ZNF782: variants seen among roughly 807,000 people sequenced by gnomAD.
ZNF782 encodes zinc finger protein 782.
ZNF782 carries 12 observed loss-of-function variants against 13.0 expected under a neutral mutation model. That is an observed-to-expected ratio of 0.92 (90% CI 0.59 to 1.50). The LOEUF (loss-of-function observed/expected upper bound fraction) is 1.50. ZNF782 is among the 40% of genes most tolerant of loss of function. The pLI, the probability that ZNF782 is intolerant of heterozygous loss-of-function variation, is 0.00. For missense variants in ZNF782, 770 were observed against 822.9 expected (o/e 0.94, Z 0.79); for synonymous variants, 284 against 283.0 (o/e 1.00, Z -0.04).
chr9:96,892,692 TTA>T, the ZNF782 span: 2 of 152,238 alleles, frequency 1.3e-5, no homozygotes, highest in Non-Finnish European at 2.9e-5. Context: ...TCTGAATCTG[TTA>T]TCTTATGAGA....
At chr9:96,852,171 T>C (rs548240443) in intron 2 of ZNF782, among the ~76,000 whole-genome samples, 166 bp from the exon 3 acceptor site, 15 of 152,296 alleles carry the variant, frequency 9.8e-5, no homozygotes, top group African/African-American at 3.4e-4. Flanking sequence ...TGGCACTGTC[T>C]ACGACAACTC....
chr9:96,896,817 G>A, the ZNF782 span, among the ~76,000 whole-genome samples: 4 of 152,330 alleles, frequency 2.6e-5, no homozygotes, highest in Non-Finnish European at 5.9e-5. Context: ...AGTGTCAGTG[G>A]CAGATAGGGA....
At chr9:96,887,282 AAAG>A in the ZNF782 span, 1 of 112,148 alleles carries the variant, frequency 8.9e-6, no homozygotes, top group African/African-American at 3.8e-5. Flanking sequence ...CCATTGCAAA[AAAG>A]AAAGGAAGGA....
At chr9:96,821,839 T>A (rs1340848815) in intron 5 of ZNF782, among the ~76,000 whole-genome samples, 1 of 152,054 alleles carries the variant, frequency 6.6e-6, no homozygotes, top group Admixed American at 6.6e-5. Context: ...TAATTTTTTG[T>A]GTTTTTAGTA....
upstream of ZNF782, among the ~76,000 whole-genome samples, chr9:96,859,226 A>G (rs75636078): frequency 5.9e-5 from 9 of 152,332 alleles, no homozygotes; most frequent in East Asian, 1.7e-3. Context: ...ACTCTTAGGC[A>G]AGTCCTAGTG....
rs138825724 is a variant in ZNF782 at position 96,871,324 on chromosome 9, C to T, written c.-457+4144G>A. On this transcript the variant is annotated intron_variant, in intron 1 of 5. Transcript: ENST00000498811. ...AATAGATGTTGTCTCAGTATGTTAC[C>T]CAATGTACAGTGCAATGATTATTCA... Among the ~76,000 whole-genome samples, 228 of 151,436 alleles carry T rather than the reference C, an allele frequency of 1.5e-3. 1 individual carries two copies. Among genetic ancestry groups the T allele is most frequent in the African/African-American group, 5.2e-3 (213 of 41,256 alleles).
chr9:96,879,481 C>T (rs1851936978), upstream of ZNF782, among the ~76,000 whole-genome samples: 1 of 152,056 alleles, frequency 6.6e-6, no homozygotes, highest in South Asian at 2.1e-4. Context: ...CCAGCCTGGG[C>T]GACAGAGCAA....
At chr9:96,872,767 C>A (rs1193096643) in intron 1 of ZNF782, among the ~76,000 whole-genome samples, 1 of 152,184 alleles carries the variant, frequency 6.6e-6, no homozygotes, top group Non-Finnish European at 1.5e-5. Context: ...TAAAATCACT[C>A]TCTGGCCACA....
In ZNF782 at chr9:96,818,085, A is replaced by T. The variant is rs920485538; in HGVS notation, c.1938T>A (p.Tyr646Ter). 4.3e-6 allele frequency: 7 copies of T among 1,613,448 alleles called. No individual in the cohort carries two copies. The African/African-American group carries it at 9.4e-5, about 22-fold the overall frequency. The stretch of plus-strand genomic sequence containing the variant: ...AAGCTTCCCCACACTGATTACAATT[A>T]TATGGTTTCTCCCCGGTGTGAGTTC... Reference protein sequence around the residue: ...HQRTHTGEKPYNCNQCGEAFS... With the variant: ...HQRTHTGEKP Residue 646 changes from tyrosine to a stop codon, truncating the protein, a stop_gained, in exon 6 of 6, where the codon TAT becomes TAA. Transcript: ENST00000481138. LOFTEE classifies it low-confidence loss of function (END_TRUNC).
At chr9:96,828,469 A>G (rs1425923512) in intron 4 of ZNF782, among the ~76,000 whole-genome samples, 2 of 152,242 alleles carry the variant, frequency 1.3e-5, no homozygotes, top group Non-Finnish European at 2.9e-5. Flanking sequence ...CAAAATTACT[A>G]GGTATGAACA....
intron 4 of ZNF782, among the ~76,000 whole-genome samples, chr9:96,841,052 A>T (rs1851174600): frequency 1.3e-5 from 2 of 152,132 alleles, no homozygotes; most frequent in Admixed American, 1.3e-4. Context: ...AATGACCAAT[A>T]TAAAGAATAA....
In ZNF782 at chr9:96,818,593, G is replaced by A; in HGVS notation, c.1430C>T (p.Pro477Leu). 1 of 1,614,064 alleles carries A rather than the reference G, an allele frequency of 6.2e-7. No individual in the cohort carries two copies. The highest frequency in any genetic ancestry group is 8.5e-7 in the Non-Finnish European group (1 of 1,180,004). The change falls in exon 6 of 6, where the codon CCT (proline) becomes CTT (leucine). Residue 477 changes from proline to leucine, a missense_variant. By Grantham distance (98) the Pro-to-Leu change is moderately conservative. Transcript: ENST00000481138. ...TTTCCCGCATTCATTACATTCAAAAGGTTTCTCCCCTGTGTGAGTTCTCTG... is the reference window on the plus strand; with the variant it reads ...TTTCCCGCATTCATTACATTCAAAAAGTTTCTCCCCTGTGTGAGTTCTCTG... ...VHQRTHTGEK[P>L]FECNECGKSF... is the part of the protein sequence containing the mutation.
intron 4 of ZNF782, among the ~76,000 whole-genome samples, chr9:96,830,375 G>GCC (rs1352255562): frequency 6.6e-6 from 1 of 152,060 alleles, no homozygotes; most frequent in Admixed American, 6.5e-5. Context: ...AAGGTCCCCT[G>GCC]CCCCCCAGTG....
At chr9:96,870,764 T>C (rs1851816029) in intron 1 of ZNF782, among the ~76,000 whole-genome samples, 1 of 152,340 alleles carries the variant, frequency 6.6e-6, no homozygotes, top group Non-Finnish European at 1.5e-5. Context: ...CATATTACCA[T>C]TAAAACATAG....
the ZNF782 span, among the ~76,000 whole-genome samples, chr9:96,916,694 G>A: frequency 1.3e-5 from 2 of 151,852 alleles, no homozygotes; most frequent in Non-Finnish European, 2.9e-5. Context: ...TCCCCAGCCC[G>A]AGGCCTTTGC....
Position 96,824,515 on chromosome 9 carries a change from C to T in ZNF782, c.244+2565G>A, listed in dbSNP as rs1327085684. On this transcript the variant is annotated intron_variant, in intron 5 of 5. Coordinates refer to ENST00000481138, the MANE Select transcript of ZNF782 (RefSeq NM_001001662.3). ...GGCACAAGACAAGGATGACCTCTCTCACCACTCCTATTCAACATAGTGTTG... is the reference window on the plus strand; with the variant it reads ...GGCACAAGACAAGGATGACCTCTCTTACCACTCCTATTCAACATAGTGTTG... Among the ~76,000 whole-genome samples the T allele has an allele frequency of 5.2e-3, 790 of 152,060 alleles. 10 individuals carry two copies. The highest frequency in any genetic ancestry group is 0.017 in the African/African-American group (694 of 41,450).
intron 3 of ZNF782, among the ~76,000 whole-genome samples, chr9:96,851,377 A>G (rs1485722047): frequency 2.0e-5 from 3 of 152,196 alleles, no homozygotes; most frequent in African/African-American, 7.2e-5. Flanking sequence ...GGTGAGTTTC[A>G]TAAAATCTAC....
chr9:96,876,017 T>C (rs1324472126), upstream of ZNF782, among the ~76,000 whole-genome samples: 2 of 152,208 alleles, frequency 1.3e-5, no homozygotes, highest in Non-Finnish European at 2.9e-5. Context: ...TATTGGATGA[T>C]TGGAAGATGT....
intron 4 of ZNF782, among the ~76,000 whole-genome samples, chr9:96,836,945 G>GTATGA (rs900947899): frequency 6.6e-6 from 1 of 152,114 alleles, no homozygotes; most frequent in Non-Finnish European, 1.5e-5. Flanking sequence ...AGTTGAAGCA[G>GTATGA]TATGATGCCC....
Sources: gnomAD v4.1 joint callset for allele counts (sites outside exome capture counted in the v4.1 genomes callset) on GRCh38, gnomAD v4.1.1 for gene constraint, MANE v1.5 for transcripts, NCBI Gene and HGNC (gene_info 2026-07-23, HGNC 2026-07-21) for gene names.